The following BCAS3 variants were observed in gnomAD, a reference collection of about 807,000 sequenced individuals.
BCAS3 encodes the protein BCAS3 microtubule associated cell migration factor.
BCAS3 carries 53 observed loss-of-function variants against 116.1 expected under a neutral mutation model. The observed-to-expected ratio is 0.46, with a 90% confidence interval of 0.37 to 0.57. BCAS3 has a LOEUF of 0.57. Among genes scored for constraint, BCAS3 ranks in the 20% least tolerant of loss-of-function variants. The pLI is 0.00. For missense variants in BCAS3, 917 were observed against 1,165.4 expected (o/e 0.79, Z 3.10); for synonymous variants, 391 against 408.2 (o/e 0.96, Z 0.51).
In BCAS3 at chr17:61,346,298, A is replaced by T. The variant is rs2057500667; in HGVS notation, c.2426-22029A>T. 6.6e-6 allele frequency among the ~76,000 whole-genome samples: 1 copy of T among 152,180 alleles called. No individual in the cohort carries two copies. The highest frequency in any genetic ancestry group is 1.5e-5 in the Non-Finnish European group (1 of 68,020). On this transcript the variant is annotated intron_variant, in intron 22 of 23. Coordinates refer to ENST00000407086, the MANE Select transcript of BCAS3 (RefSeq NM_017679.5). This position sits in a 1 kb window ranked among gnomAD's most constrained non-coding sequence, Gnocchi z 5.4. ...CTTTGGAGAAGAAGTACTTCCTTTT[A>T]TTGTCAGGTCATTTTAGCATGATTG... is the stretch of plus-strand genomic sequence containing the variant.
rs1213725393 is a variant in BCAS3, at chr17:61,134,502, A to C, written c.2425+49938A>C. ...CTGTGTGACTCTGGTCAGTTAATCC[A>C]TTTATAAAATGAGAGTATTGGACTG... is the stretch of plus-strand genomic sequence containing the variant. On this transcript the variant is annotated intron_variant, in intron 22 of 23. Coordinates refer to ENST00000407086, the MANE Select transcript of BCAS3 (RefSeq NM_017679.5). The surrounding 1 kb of genome is among the most constrained non-coding windows in gnomAD (Gnocchi z 4.6). Among the ~76,000 whole-genome samples the C allele has an allele frequency of 6.6e-6, 1 of 152,176 alleles. No individual in the cohort carries two copies. The highest frequency in any genetic ancestry group is 2.4e-5 in the African/African-American group (1 of 41,444).
intron 5 of BCAS3, among the ~76,000 whole-genome samples, chr17:60,723,228 T>A (rs138162161): frequency 0.011 from 1,637 of 152,132 alleles, 11 homozygotes; most frequent in Middle Eastern, 0.017. Flanking sequence ...TTCCATAAAT[T>A]ATTATTATTA....
rs1297276048 is a variant in BCAS3 at position 61,375,567 on chromosome 17, ATC to A, written c.2593+7075_2593+7076del. On this transcript the variant is annotated intron_variant, in intron 23 of 23. Transcript: ENST00000407086. ...TAGGCACCAGTACCATGTGTTAATT[ATC>A]TTTTTTTTTTTTTTTTTTGAGATGG... Among the ~76,000 whole-genome samples, 640 of 148,560 alleles carry A rather than the reference ATC, an allele frequency of 4.3e-3. 8 individuals are homozygous for A. Among genetic ancestry groups the A allele is most frequent in the African/African-American group, 0.015 (601 of 39,980 alleles).
chr17:61,115,122 A>C (rs2075344835), intron 22 of BCAS3, among the ~76,000 whole-genome samples: 1 of 151,276 alleles, frequency 6.6e-6, no homozygotes, highest in Admixed American at 6.6e-5. Context: ...CGTTAGACCT[A>C]AAACCATAAA....
chr17:60,771,955 T>C (rs190636908), intron 6 of BCAS3, among the ~76,000 whole-genome samples: 7 of 152,342 alleles, frequency 4.6e-5, no homozygotes, highest in Admixed American at 1.3e-4. Flanking sequence ...CAGTCTATCA[T>C]TGATGGACAT....
intron 7 of BCAS3, chr17:60,810,187 C>T (rs183148573): frequency 1.3e-4 from 56 of 424,736 alleles, no homozygotes; most frequent in East Asian, 9.2e-4. Context: ...ACTTGCTCCA[C>T]GTTCTCCACC....
intron 10 of BCAS3, among the ~76,000 whole-genome samples, chr17:60,890,564 A>G (rs1012866804): frequency 6.6e-6 from 1 of 152,206 alleles, no homozygotes; most frequent in African/African-American, 2.4e-5. Context: ...ACATGTTCAC[A>G]TTTTGTTGAC....
chr17:61,144,318 G>A lies in BCAS3; in HGVS notation c.2425+59754G>A, dbSNP rs1025342443. Among the ~76,000 whole-genome samples the A allele has an allele frequency of 2.6e-5, 4 of 152,010 alleles. No homozygotes were observed. The East Asian group carries it at 7.7e-4, about 29-fold the overall frequency. Reference sequence around the variant, plus strand: ...CAAGTGACTCCCTACCATCTCCTCCGAGTCTTCTACGTGTATGTCTAGATA... The same window carrying A: ...CAAGTGACTCCCTACCATCTCCTCCAAGTCTTCTACGTGTATGTCTAGATA... On this transcript the variant is annotated intron_variant, in intron 22 of 23. Coordinates refer to ENST00000407086, the MANE Select transcript of BCAS3 (RefSeq NM_017679.5). This position sits in a 1 kb window ranked among gnomAD's most constrained non-coding sequence, Gnocchi z 5.0.
At chr17:60,747,160 T>C in intron 5 of BCAS3, 38 bp from the exon 6 acceptor site, 1 of 1,443,350 alleles carries the variant, frequency 6.9e-7, no homozygotes, top group African/African-American at 1.4e-5. Context: ...GTGACCTTCA[T>C]TTTCCCACTG....
chr17:60,961,233 A>G lies in BCAS3; in HGVS notation c.1221+13881A>G, dbSNP rs1567972298. ...TCATAAATTTTGTCATTTAGCTATG[A>G]TGGAATGATAGGAACTGGATTAAAC... is the stretch of plus-strand genomic sequence containing the variant. On this transcript the variant is annotated intron_variant, in intron 14 of 23. Transcript: ENST00000407086. The surrounding 1 kb of genome is among the most constrained non-coding windows in gnomAD (Gnocchi z 4.8). 6.6e-6 allele frequency among the ~76,000 whole-genome samples: 1 copy of G among 152,220 alleles called. No individual in the cohort carries two copies. The highest frequency in any genetic ancestry group is 1.5e-5 in the Non-Finnish European group (1 of 68,044).
intron 16 of BCAS3, among the ~76,000 whole-genome samples, chr17:61,025,241 G>C (rs1038959802): frequency 1.3e-5 from 2 of 151,936 alleles, no homozygotes; most frequent in African/African-American, 4.8e-5. Flanking sequence ...TTGGTTTTGA[G>C]GTAATTAGTC....
intron 22 of BCAS3, among the ~76,000 whole-genome samples, chr17:61,268,391 C>A (rs1421480156): frequency 6.6e-6 from 1 of 151,934 alleles, no homozygotes; most frequent in Non-Finnish European, 1.5e-5. Flanking sequence ...TTTCTATTTG[C>A]CAGATTCAAA....
intron 13 of BCAS3, among the ~76,000 whole-genome samples, chr17:60,930,783 A>G (rs137886399): frequency 2.2e-4 from 33 of 152,326 alleles, no homozygotes; most frequent in Non-Finnish European, 4.6e-4. Flanking sequence ...AAAGAAAGAC[A>G]TATTTTTAGA....
chr17:60,753,458 G>A (rs1001597850), intron 6 of BCAS3, among the ~76,000 whole-genome samples: 2 of 151,124 alleles, frequency 1.3e-5, no homozygotes, highest in African/African-American at 4.9e-5. Context: ...CACCCAGGCT[G>A]GAGTGCAGTG....
At chr17:60,922,036 T>C (rs2059130372) in intron 12 of BCAS3, among the ~76,000 whole-genome samples, 1 of 152,222 alleles carries the variant, frequency 6.6e-6, no homozygotes, top group East Asian at 1.9e-4. Context: ...TTAATATGTA[T>C]AATTAATAAA....
chr17:61,259,591 T>G lies in BCAS3; in HGVS notation c.2426-108736T>G, dbSNP rs2049033879. 6.6e-6 allele frequency among the ~76,000 whole-genome samples: 1 copy of G among 152,226 alleles called. No individual in the cohort carries two copies. The highest frequency in any genetic ancestry group is 2.4e-5 in the African/African-American group (1 of 41,460). ...AACAGAAGAATTTTAATGAAGCCAT[T>G]TAAGTGTTCCAGCCACTGGAGCTGG... On this transcript the variant is annotated intron_variant, in intron 22 of 23. Coordinates refer to ENST00000407086, the MANE Select transcript of BCAS3 (RefSeq NM_017679.5). This position sits in a 1 kb window ranked among gnomAD's most constrained non-coding sequence, Gnocchi z 4.7.
At chr17:60,859,187 T>A (rs2053942439) in intron 7 of BCAS3, among the ~76,000 whole-genome samples, 1 of 151,966 alleles carries the variant, frequency 6.6e-6, no homozygotes, top group African/African-American at 2.4e-5. Flanking sequence ...TGATAAATAA[T>A]TTTTTTTCCA....
At chr17:61,121,258 A>G (rs1488463078) in intron 22 of BCAS3, among the ~76,000 whole-genome samples, 1 of 152,156 alleles carries the variant, frequency 6.6e-6, no homozygotes, top group African/African-American at 2.4e-5. Flanking sequence ...GCTGTTATGG[A>G]GTTAAAAATC....
intron 22 of BCAS3, among the ~76,000 whole-genome samples, chr17:61,318,399 C>T (rs2054920783): frequency 6.6e-6 from 1 of 152,220 alleles, no homozygotes; most frequent in African/African-American, 2.4e-5. Context: ...GCAGCCCTCT[C>T]CTGTCTTCCC....
Sources: allele counts gnomAD v4.1 joint callset (sites outside exome capture counted in the v4.1 genomes callset), GRCh38; gene constraint gnomAD v4.1.1; non-coding constraint Gnocchi (gnomAD v3.1); transcripts MANE v1.5; gene names NCBI Gene and HGNC (gene_info 2026-07-23, HGNC 2026-07-21).